The following MAGI2 variants were observed in gnomAD, a reference collection of about 807,000 sequenced individuals.
MAGI2 encodes membrane-associated guanylate kinase, WW and PDZ domain-containing protein 2.
Under a neutral mutation model 133.3 loss-of-function variants are expected in MAGI2, and 35 were observed. That is an observed-to-expected ratio of 0.26 (90% CI 0.20 to 0.35). The LOEUF is 0.35. Among genes scored for constraint, MAGI2 ranks in the 10% least tolerant of loss-of-function variants. The pLI is 1.00. For missense variants in MAGI2, 1,636 were observed against 1,863.4 expected, an observed-to-expected ratio of 0.88 and a Z score of 2.25; for synonymous variants, 729 against 710.6, an observed-to-expected ratio of 1.03 and a Z score of -0.41.
intron 3 of MAGI2, among the ~76,000 whole-genome samples, chr7:78,573,188 TTATA>T (rs1332394171): frequency 2.6e-5 from 2 of 78,128 alleles, no homozygotes; most frequent in Non-Finnish European, 4.6e-5. Flanking sequence ...CCTGGAACTT[TTATA>T]TATATATATA....
In MAGI2 at chr7:79,453,523, GGTAGGAGAGCTTGGA is replaced by G; in HGVS notation, c.-218_-204del. 1.4e-6 allele frequency: 2 copies of G among 1,382,180 alleles called. No homozygotes were observed. The highest frequency in any genetic ancestry group is 1.9e-6 in the Non-Finnish European group (2 of 1,072,438). The allele number at this position is 1,382,180 out of a possible 1,614,324, so 85.6% of individuals were successfully genotyped here. On this transcript the variant is annotated 5_prime_UTR_variant, in exon 1 of 22. Transcript: ENST00000354212. ...AGGATGAGAGGGACGGCTGGGCAGA[GGTAGGAGAGCTTGGA>G]TGAGGTTGTGCTGTCCCTTGAATGA...
intron 12 of MAGI2, among the ~76,000 whole-genome samples, chr7:78,192,093 T>A (rs1300812839): frequency 6.6e-6 from 1 of 152,102 alleles, no homozygotes; most frequent in Admixed American, 6.6e-5. Context: ...AATGCAAAAA[T>A]CTCTTTAGCT....
At chr7:79,244,840 G>A (rs569903655) in intron 1 of MAGI2, among the ~76,000 whole-genome samples, 27 of 152,214 alleles carry the variant, frequency 1.8e-4, no homozygotes, top group African/African-American at 6.5e-4. Flanking sequence ...TACAGCTCTG[G>A]GACAGACTCC....
intron 2 of MAGI2, among the ~76,000 whole-genome samples, chr7:78,762,946 CA>C (rs1824659133): frequency 6.6e-6 from 1 of 152,128 alleles, no homozygotes; most frequent in Non-Finnish European, 1.5e-5. Flanking sequence ...GTTGTTGAGA[CA>C]AGTATGAAAA....
intron 21 of MAGI2, among the ~76,000 whole-genome samples, chr7:78,052,098 G>A (rs1294999242): frequency 2.0e-5 from 3 of 151,904 alleles, no homozygotes; most frequent in Non-Finnish European, 2.9e-5. Context: ...CTTGAATTCC[G>A]GAGCTTCAGC....
At chr7:78,220,377 C>T (rs1384748279) in intron 10 of MAGI2, among the ~76,000 whole-genome samples, 1 of 152,134 alleles carries the variant, frequency 6.6e-6, no homozygotes, top group Non-Finnish European at 1.5e-5. Flanking sequence ...CTCATCACAG[C>T]ACCTGGAACA....
chr7:79,116,905 C>T (rs1200574902), intron 1 of MAGI2, among the ~76,000 whole-genome samples: 1 of 152,140 alleles, frequency 6.6e-6, no homozygotes, highest in African/African-American at 2.4e-5. Context: ...TAGCACTATG[C>T]TGCCTGTGCA....
chr7:79,419,764 C>T (rs1846806230), intron 1 of MAGI2, among the ~76,000 whole-genome samples: 1 of 151,992 alleles, frequency 6.6e-6, no homozygotes, highest in Non-Finnish European at 1.5e-5. Flanking sequence ...AAATATTTAT[C>T]TGATATTGAA....
chr7:79,374,587 A>G (rs77682550), intron 1 of MAGI2, among the ~76,000 whole-genome samples: 1 of 151,992 alleles, frequency 6.6e-6, no homozygotes, highest in Non-Finnish European at 1.5e-5. Context: ...AAACAAATAC[A>G]GCAAGTCATA....
intron 1 of MAGI2, among the ~76,000 whole-genome samples, chr7:79,183,469 T>C (rs994272048): frequency 1.3e-5 from 2 of 151,872 alleles, no homozygotes; most frequent in African/African-American, 4.8e-5. Context: ...TTTAAAAAAA[T>C]TGTTTTCTTA....
At chr7:78,406,635 G>C (rs1797403670) in intron 6 of MAGI2, among the ~76,000 whole-genome samples, 2 of 151,996 alleles carry the variant, frequency 1.3e-5, no homozygotes, top group Non-Finnish European at 2.9e-5. Flanking sequence ...ATTATGATCA[G>C]TTAGCATTCC....
chr7:78,868,127 C>T (rs1794735596), intron 2 of MAGI2, among the ~76,000 whole-genome samples: 1 of 151,806 alleles, frequency 6.6e-6, no homozygotes, highest in Admixed American at 6.6e-5. Flanking sequence ...ACATAGATGA[C>T]GACAATGGAA....
intron 21 of MAGI2, among the ~76,000 whole-genome samples, chr7:78,034,766 G>A (rs1198334693): frequency 6.6e-6 from 1 of 152,152 alleles, no homozygotes; most frequent in Non-Finnish European, 1.5e-5. Flanking sequence ...GACCTCAAGT[G>A]ATCCACCTGC....
chr7:79,161,990 G>A (rs1824410698), intron 1 of MAGI2, among the ~76,000 whole-genome samples: 2 of 151,878 alleles, frequency 1.3e-5, no homozygotes, highest in South Asian at 4.2e-4. Flanking sequence ...AAATAATCAG[G>A]CAAGCATAAT....
chr7:78,926,742 A>G (rs1051757740), intron 2 of MAGI2, among the ~76,000 whole-genome samples: 8 of 152,046 alleles, frequency 5.3e-5, no homozygotes, highest in African/African-American at 1.9e-4. Context: ...TCTCTGCAGT[A>G]CTTACATTTT....
chr7:78,270,469 G>A (rs975670505), intron 9 of MAGI2, among the ~76,000 whole-genome samples: 1 of 151,998 alleles, frequency 6.6e-6, no homozygotes, highest in African/African-American at 2.4e-5. Flanking sequence ...TCTTGAAGAG[G>A]TCCTTCACAT....
At position 79,025,851 on chromosome 7, in the gene MAGI2, G is replaced by C. The variant is rs1809833241; in HGVS notation, c.302-18645C>G. The stretch of plus-strand genomic sequence containing the variant: ...CAAGTATTGTAAACTGGAAAAGAAA[G>C]CTATTTATTCCTGTTGCCAAGTGGC... On this transcript the variant is annotated intron_variant, in intron 1 of 21. Coordinates refer to ENST00000354212, the MANE Select transcript of MAGI2 (RefSeq NM_012301.4). Among the ~76,000 whole-genome samples the C allele has an allele frequency of 2.6e-5, 4 of 152,168 alleles. No homozygotes were observed. In the South Asian group the frequency reaches 8.3e-4, roughly 31 times the overall value.
chr7:78,727,073 T>G (rs1820894913), intron 2 of MAGI2, among the ~76,000 whole-genome samples: 1 of 152,214 alleles, frequency 6.6e-6, no homozygotes, highest in Admixed American at 6.5e-5. Flanking sequence ...CTTGTCAGAC[T>G]GACATTGACT....
At chr7:78,665,458 C>G (rs557727594) in intron 2 of MAGI2, among the ~76,000 whole-genome samples, 3 of 152,212 alleles carry the variant, frequency 2.0e-5, no homozygotes, top group South Asian at 2.1e-4. Context: ...TAATATACAT[C>G]GTGCTTTGCC....
Sources: allele counts gnomAD v4.1 joint callset (sites outside exome capture counted in the v4.1 genomes callset), GRCh38; gene constraint gnomAD v4.1.1; transcripts MANE v1.5; gene names NCBI Gene and HGNC (gene_info 2026-07-23, HGNC 2026-07-21).